The following SYN3 variants were observed in gnomAD, a reference collection of about 807,000 sequenced individuals.
The protein encoded by SYN3 is synapsin III.
In SYN3, 35 loss-of-function variants were observed where a neutral mutation model predicts 65.8. The ratio of observed to expected loss-of-function variants is 0.53; its 90% CI spans 0.41 to 0.70. The LOEUF is 0.70. Ranked by LOEUF, SYN3 falls within the 30% of genes least tolerant of loss-of-function variation. The probability of loss-of-function intolerance (pLI) is 0.00; values close to 1 mark genes in which losing one functional copy is unlikely to be tolerated. For missense variants in SYN3, 680 were observed against 749.0 expected, an observed-to-expected ratio of 0.91 and a Z score of 1.08; for synonymous variants, 270 against 292.9, an observed-to-expected ratio of 0.92 and a Z score of 0.80.
intron 12 of SYN3, among the ~76,000 whole-genome samples, chr22:32,521,429 G>C (rs989025220): frequency 1.4e-5 from 2 of 146,458 alleles, no homozygotes; most frequent in Non-Finnish European, 3.0e-5. Context: ...AGATGTTTAA[G>C]CAACACCTCT....
intron 6 of SYN3, among the ~76,000 whole-genome samples, chr22:32,665,489 G>GTGTATATATATATATATATATATA (rs1326868872): frequency 7.1e-6 from 1 of 141,360 alleles, no homozygotes; most frequent in East Asian, 2.0e-4. Context: ...CACAGTGTGT[G>GTGTATATATATATATATATATATA]TATATATATA....
chr22:32,909,571 A>G (rs2049993738), intron 4 of SYN3, among the ~76,000 whole-genome samples: 1 of 152,182 alleles, frequency 6.6e-6, no homozygotes, highest in Non-Finnish European at 1.5e-5. Flanking sequence ...GTCTTCATCC[A>G]GTTTTTAAAA....
At chr22:32,775,327 G>A (rs1215541236) in intron 6 of SYN3, among the ~76,000 whole-genome samples, 1 of 152,094 alleles carries the variant, frequency 6.6e-6, no homozygotes, top group Admixed American at 6.5e-5. Context: ...ACTAAATACA[G>A]CTGCACTGGA....
At chr22:33,016,350 G>T (rs1325708914) in intron 1 of SYN3, among the ~76,000 whole-genome samples, 1 of 152,108 alleles carries the variant, frequency 6.6e-6, no homozygotes, top group Admixed American at 6.6e-5. Flanking sequence ...CTGGTGACAG[G>T]CATTACATAC....
intron 2 of SYN3, among the ~76,000 whole-genome samples, chr22:32,998,787 A>AAAAC (rs926123786): frequency 7.2e-6 from 1 of 138,620 alleles, no homozygotes; most frequent in African/African-American, 2.6e-5. Flanking sequence ...AAAAAAAAAA[A>AAAAC]AAAAAAAAAA....
chr22:32,849,624 G>A, intron 6 of SYN3: 10 of 1,146,052 alleles, frequency 8.7e-6, no homozygotes, highest in African/African-American at 1.5e-5. Context: ...GGTTGGAACT[G>A]GGGTGTGTGT....
At chr22:32,784,899 C>G (rs1016669152) in intron 6 of SYN3, 8 of 152,198 alleles carry the variant, frequency 5.3e-5, no homozygotes, top group Admixed American at 4.6e-4. Context: ...TATACCAGGG[C>G]AGGGCTTGAG....
At chr22:32,877,661 G>C (rs2146395757) in intron 4 of SYN3, among the ~76,000 whole-genome samples, 1 of 152,270 alleles carries the variant, frequency 6.6e-6, no homozygotes, top group South Asian at 2.1e-4. Context: ...GGCTCCTCTT[G>C]TCCTCTGTGG....
chr22:32,719,221 G>A (rs984725922), intron 6 of SYN3, among the ~76,000 whole-genome samples: 1 of 152,084 alleles, frequency 6.6e-6, no homozygotes, highest in Non-Finnish European at 1.5e-5. Context: ...CTTCACCAAC[G>A]GTAAGGTACA....
chr22:32,717,165 T>G (rs111284156), intron 6 of SYN3, among the ~76,000 whole-genome samples: 4,380 of 152,252 alleles, frequency 0.029, 100 homozygotes, highest in Non-Finnish European at 0.045. Context: ...GCAGCTTGCT[T>G]GAGTCCACAG....
chr22:32,560,995 C>T (rs1056244103), intron 7 of SYN3, among the ~76,000 whole-genome samples: 3 of 152,172 alleles, frequency 2.0e-5, no homozygotes, highest in African/African-American at 7.2e-5. Context: ...AGGGCTTTGG[C>T]TGGAGCATTT....
intron 7 of SYN3, among the ~76,000 whole-genome samples, chr22:32,592,335 T>A (rs1201870510): frequency 6.6e-6 from 1 of 152,226 alleles, no homozygotes. Context: ...CGGGGGCAGA[T>A]CATTTTCCTC....
intron 6 of SYN3, among the ~76,000 whole-genome samples, chr22:32,616,633 C>T (rs2059524464): frequency 6.6e-6 from 1 of 150,506 alleles, no homozygotes; most frequent in South Asian, 2.2e-4. Context: ...GACCAGATCG[C>T]CTCTCTGGGG....
At chr22:32,980,842 G>C (rs915088854) in intron 2 of SYN3, 140 bp from the exon 3 acceptor site, 8 of 676,408 alleles carry the variant, frequency 1.2e-5, no homozygotes, top group Non-Finnish European at 2.0e-5. Flanking sequence ...CTTCACTACT[G>C]ATTTTCTCAG....
chr22:32,807,303 T>C (rs1246026417), intron 6 of SYN3, among the ~76,000 whole-genome samples: 2 of 128,440 alleles, frequency 1.6e-5, no homozygotes, highest in South Asian at 2.2e-4. Context: ...GATATATATA[T>C]ATAAATATAT....
chr22:32,600,355 G>C (rs1334796424), intron 6 of SYN3, among the ~76,000 whole-genome samples: 2 of 150,108 alleles, frequency 1.3e-5, no homozygotes, highest in Non-Finnish European at 3.0e-5. Context: ...TCAGGCGGTC[G>C]TGCGAGTGAT....
At chr22:32,942,737 G>A (rs745460288) in intron 3 of SYN3, among the ~76,000 whole-genome samples, 1 of 152,220 alleles carries the variant, frequency 6.6e-6, no homozygotes, top group Non-Finnish European at 1.5e-5. Context: ...AACCAGTGTA[G>A]AGAAGTCCTT....
intron 6 of SYN3, among the ~76,000 whole-genome samples, chr22:32,644,578 C>T (rs117490594): frequency 8.5e-5 from 13 of 152,152 alleles, no homozygotes; most frequent in Non-Finnish European, 1.6e-4. Context: ...GATGGACTGA[C>T]GCTCGCACAT....
At chr22:33,011,168 A>C (rs1449391643) in intron 1 of SYN3, among the ~76,000 whole-genome samples, 2 of 152,190 alleles carry the variant, frequency 1.3e-5, no homozygotes, top group Non-Finnish European at 2.9e-5. Context: ...TAGGGGGGAA[A>C]CACTCAGTAT....
Sources: gnomAD v4.1 joint callset for allele counts (sites outside exome capture counted in the v4.1 genomes callset) on GRCh38, gnomAD v4.1.1 for gene constraint, MANE v1.5 for transcripts, NCBI Gene and HGNC (gene_info 2026-07-23, HGNC 2026-07-21) for gene names.